Variants in TATDN2 observed in about 807,000 individuals in gnomAD.
TATDN2 encodes the protein 3'-5' RNA nuclease TATDN2.
In TATDN2, 44 loss-of-function variants were observed where a neutral mutation model predicts 60.3. The observed-to-expected ratio is 0.73, with a 90% CI of 0.57 to 0.94. The LOEUF is 0.94. TATDN2 is among the 40% of genes least tolerant of loss of function. TATDN2 has a pLI of 0.00. For missense variants in TATDN2, 997 were observed against 948.0 expected (o/e 1.05, Z -0.68); for synonymous variants, 399 against 355.8 (o/e 1.12, Z -1.37).
Position 10,253,082 on chromosome 3 carries a change from C to T in TATDN2, c.414+3468C>T, listed in dbSNP as rs557850908. ...CCATGTTAGCCAGGATGGTCTCGAT[C>T]TCTTGACCTCGTGATCCGCCTGCAT... is the stretch of plus-strand genomic sequence containing the variant. On this transcript the variant is annotated intron_variant, in intron 2 of 7. Coordinates refer to ENST00000448281, the MANE Select transcript of TATDN2 (RefSeq NM_014760.4). Among the ~76,000 whole-genome samples, 14 of 152,128 alleles carry T rather than the reference C, an allele frequency of 9.2e-5. No individual in the cohort carries two copies. In the East Asian group the frequency reaches 2.5e-3, roughly 27 times the overall value.
intron 3 of TATDN2, among the ~76,000 whole-genome samples, chr3:10,265,019 CTTTT>C (rs550799457): frequency 1.3e-5 from 1 of 76,448 alleles, no homozygotes; most frequent in African/African-American, 5.8e-5. Flanking sequence ...TTTTTTTGGT[CTTTT>C]TTTTTTTTTT....
intron 2 of TATDN2, among the ~76,000 whole-genome samples, chr3:10,257,229 C>G (rs181543014): frequency 1.3e-5 from 2 of 149,680 alleles, no homozygotes; most frequent in African/African-American, 4.9e-5. Context: ...GAGGTTGCAG[C>G]GAGCTGAGGT....
At chr3:10,257,841 AT>A (rs553265148) in intron 2 of TATDN2, among the ~76,000 whole-genome samples, 661 of 30,196 alleles carry the variant, frequency 0.022, no homozygotes, top group Admixed American at 0.045. Context: ...AAGGTTTATG[AT>A]TTTTTTTTTT....
intron 3 of TATDN2, among the ~76,000 whole-genome samples, chr3:10,269,614 T>C (rs1698527884): frequency 6.6e-6 from 1 of 152,100 alleles, no homozygotes; most frequent in South Asian, 2.1e-4. Flanking sequence ...GGCAAGAGGA[T>C]TACTTGAGCC....
chr3:10,249,894 G>C (rs534908268), intron 2 of TATDN2, among the ~76,000 whole-genome samples: 1 of 152,308 alleles, frequency 6.6e-6, no homozygotes, highest in Non-Finnish European at 1.5e-5. Flanking sequence ...CAGAGAAACT[G>C]ATTTATTGGG....
At chr3:10,254,437 C>A (rs749594514) in intron 2 of TATDN2, among the ~76,000 whole-genome samples, 1 of 152,182 alleles carries the variant, frequency 6.6e-6, no homozygotes, top group African/African-American at 2.4e-5. Flanking sequence ...CTGGCCCTCC[C>A]TTCTCTCATC....
At chr3:10,267,778 T>A (rs1698499630) in intron 3 of TATDN2, among the ~76,000 whole-genome samples, 2 of 152,200 alleles carry the variant, frequency 1.3e-5, no homozygotes, top group Non-Finnish European at 2.9e-5. Flanking sequence ...CTCCAATTAT[T>A]TTGCAGACAT....
intron 2 of TATDN2, among the ~76,000 whole-genome samples, chr3:10,251,218 G>A (rs1227488760): frequency 6.6e-6 from 1 of 152,176 alleles, no homozygotes; most frequent in Non-Finnish European, 1.5e-5. Flanking sequence ...GAGGGCTGGA[G>A]GAGTGGTCGC....
At chr3:10,250,782 T>A (rs970795760) in intron 2 of TATDN2, among the ~76,000 whole-genome samples, 1 of 152,256 alleles carries the variant, frequency 6.6e-6, no homozygotes, top group African/African-American at 2.4e-5. Context: ...ATGCTGAATT[T>A]GTCTCAAATC....
intron 2 of TATDN2, among the ~76,000 whole-genome samples, chr3:10,257,875 T>C (rs1698337635): frequency 1.1e-5 from 1 of 88,906 alleles, no homozygotes; most frequent in Non-Finnish European, 1.9e-5. Flanking sequence ...TTTTTTTTTT[T>C]TGGGAGATGG....
chr3:10,262,780 C>G (rs1007737298), intron 3 of TATDN2, among the ~76,000 whole-genome samples: 1 of 152,024 alleles, frequency 6.6e-6, no homozygotes, highest in Admixed American at 6.6e-5. Flanking sequence ...GGTGATCCAC[C>G]TGCCTAGGCT....
rs954364674 is a variant in TATDN2 at position 10,260,067 on chromosome 3, A to G, written c.415-70A>G. ...CTGGTAGAACCACCACTGATTTATA[A>G]TTTGCCAAATGCTTCATGTACGAAA... is the stretch of plus-strand genomic sequence containing the variant. On this transcript the variant is annotated intron_variant, in intron 2 of 7. Transcript: ENST00000448281. 6 of 1,512,690 alleles carry G rather than the reference A, an allele frequency of 4.0e-6. No individual in the cohort carries two copies. The African/African-American group carries it at 8.4e-5, about 21-fold the overall frequency. 93.7% of individuals were successfully genotyped at this position (1,512,690 alleles called of 1,614,324 possible).
chr3:10,257,078 T>G lies in TATDN2; in HGVS notation c.415-3059T>G, dbSNP rs565594393. Reference sequence around the variant, plus strand: ...GGGAGGCCAAGGCGGGCAGATCACTTGAGGTTAGGCCAACATGGTGAAACC... The same window carrying G: ...GGGAGGCCAAGGCGGGCAGATCACTGGAGGTTAGGCCAACATGGTGAAACC... On this transcript the variant is annotated intron_variant, in intron 2 of 7. Transcript: ENST00000448281. 1.7e-3 allele frequency among the ~76,000 whole-genome samples: 251 copies of G among 149,104 alleles called. 1 individual carries two copies. Among genetic ancestry groups the G allele is most frequent in the Non-Finnish European group, 3.1e-3 (206 of 67,286 alleles).
intron 4 of TATDN2, among the ~76,000 whole-genome samples, chr3:10,273,219 G>A (rs1435735043): frequency 1.3e-5 from 2 of 152,214 alleles, no homozygotes; most frequent in Non-Finnish European, 2.9e-5. Context: ...AGAGGGCTAA[G>A]CTGCCTGTAA....
At chr3:10,259,090 T>G (rs960163698) in intron 2 of TATDN2, among the ~76,000 whole-genome samples, 4 of 152,210 alleles carry the variant, frequency 2.6e-5, no homozygotes, top group Non-Finnish European at 2.9e-5. Context: ...CAAGCTGGTC[T>G]TGAACTCCTG....
At chr3:10,256,074 T>C (rs1032341676) in intron 2 of TATDN2, among the ~76,000 whole-genome samples, 8 of 152,222 alleles carry the variant, frequency 5.3e-5, no homozygotes, top group African/African-American at 1.7e-4. Context: ...CTAACATACA[T>C]ATTTCACTTG....
At chr3:10,249,120 C>T (rs936080978) in intron 1 of TATDN2, 53 bp downstream of exon 1, 10 of 1,474,690 alleles carry the variant, frequency 6.8e-6, no homozygotes, top group Non-Finnish European at 9.0e-6. Flanking sequence ...TCCTCCTGGG[C>T]CCGGGGTGGC....
At chr3:10,252,791 G>A (rs1372108603) in intron 2 of TATDN2, among the ~76,000 whole-genome samples, 1 of 151,052 alleles carries the variant, frequency 6.6e-6, no homozygotes, top group African/African-American at 2.4e-5. Flanking sequence ...CTGGGCTCAA[G>A]CGATCCTCCT....
chr3:10,248,946 T>G lies in TATDN2; in HGVS notation c.-128T>G. 2.4e-6 allele frequency: 1 copy of G among 409,252 alleles called. No individual in the cohort carries two copies. Among genetic ancestry groups the G allele is most frequent in the Non-Finnish European group, 4.3e-6 (1 of 234,228 alleles). The allele number at this position is 409,252 out of a possible 1,614,324, so 25.4% of individuals were successfully genotyped here. A position where few individuals can be genotyped will look rare whatever the true frequency, so the allele number is the denominator to read the frequency against. ...AAGGCTTCCTGATCTCAGAAGCACG[T>G]TGTGGGCTTGGAAACCGACGGCAGC... On this transcript the variant is annotated 5_prime_UTR_variant, in exon 1 of 8. Transcript: ENST00000448281.
Sources: gnomAD v4.1 joint callset for allele counts (sites outside exome capture counted in the v4.1 genomes callset) on GRCh38, gnomAD v4.1.1 for gene constraint, MANE v1.5 for transcripts, NCBI Gene and HGNC (gene_info 2026-07-23, HGNC 2026-07-21) for gene names.